Variants in MYO18A observed in about 807,000 individuals in gnomAD.
MYO18A encodes unconventional myosin-XVIIIa.
In MYO18A, 78 loss-of-function variants were observed where a neutral mutation model predicts 235.8. The observed-to-expected ratio is 0.33, with a 90% CI of 0.28 to 0.40. The LOEUF (loss-of-function observed/expected upper bound fraction) is 0.40, where lower values mean the gene tolerates loss of function less well. MYO18A is among the 10% of genes least tolerant of loss of function. The probability of loss-of-function intolerance (pLI) is 1.00; values close to 1 mark genes in which losing one functional copy is unlikely to be tolerated. For synonymous variants in MYO18A, 977 were observed against 1,077.8 expected (o/e 0.91, Z 1.83); for missense variants, 2,215 against 2,699.3 (o/e 0.82, Z 3.98).
intron 1 of MYO18A, among the ~76,000 whole-genome samples, chr17:29,167,522 G>T (rs1290521732): frequency 6.6e-6 from 1 of 151,950 alleles, no homozygotes; most frequent in African/African-American, 2.4e-5. Context: ...GACCAGCCTG[G>T]ACAACACAGT....
intron 2 of MYO18A, among the ~76,000 whole-genome samples, chr17:29,146,239 C>CAG (rs201582600): frequency 6.6e-6 from 1 of 151,844 alleles, no homozygotes; most frequent in East Asian, 1.9e-4. Context: ...GCCCGGGCGA[C>CAG]AGAGAGAGAC....
Position 29,074,058 on chromosome 17 carries a change from A to C in MYO18A, c.*712T>G. On this transcript the variant is annotated 3_prime_UTR_variant, in exon 42 of 42. Coordinates refer to ENST00000527372, the MANE Select transcript of MYO18A (RefSeq NM_078471.4). This position sits in a 1 kb window ranked among gnomAD's most constrained non-coding sequence, Gnocchi z 4.4. ...GGTCCACACACACACTTGTCTGCGT[A>C]GGCTTGCTCAACCCAGCCCAGCAGC... The C allele has an allele frequency of 1.2e-6, 2 of 1,614,100 alleles. No homozygotes were observed.
At position 29,098,242 on chromosome 17, in the gene MYO18A, G is replaced by T; in HGVS notation, c.3871-18C>A. On this transcript the variant is annotated intron_variant, in intron 24 of 41. Transcript: ENST00000527372. ...TCTGAGATCTGGGGTTGGGGGTAGG[G>T]AGTCACCACCAGTTGAAGTGCCTGC... The T allele has an allele frequency of 6.2e-7, 1 of 1,613,792 alleles. No individual in the cohort carries two copies. The highest frequency in any genetic ancestry group is 8.5e-7 in the Non-Finnish European group (1 of 1,179,734).
Position 29,094,741 on chromosome 17 carries a change from A to T in MYO18A, c.4619T>A (p.Val1540Asp). 3 of 1,613,910 alleles carry T rather than the reference A, an allele frequency of 1.9e-6. No individual in the cohort carries two copies. The highest frequency in any genetic ancestry group is 2.5e-6 in the Non-Finnish European group (3 of 1,179,866). The change falls in exon 30 of 42, where the codon GTC becomes GAC. Residue 1540 changes from valine (V) to aspartate (D), a missense_variant. Transcript: ENST00000527372. ...CTCCAGGTCCCGGAGCTGTTTCTTG[A>T]CCTTGGCCAGAGAAGCCTCATCCTT... ...ESKDEASLAK[V>D]KKQLRDLEAK... is the part of the protein sequence containing the mutation.
At chr17:29,151,505 C>T (rs1268543275) in intron 2 of MYO18A, among the ~76,000 whole-genome samples, 1 of 152,108 alleles carries the variant, frequency 6.6e-6, no homozygotes, top group Non-Finnish European at 1.5e-5. Context: ...TCCACACATG[C>T]CTTGCCTTGT....
chr17:29,167,096 A>T (rs2068302832), intron 1 of MYO18A, 75 bp from the exon 2 acceptor site: 1 of 1,014,672 alleles, frequency 9.9e-7, no homozygotes, highest in Admixed American at 2.9e-5. Context: ...ACATAACCAA[A>T]TGATACAGCT....
At chr17:29,123,286 C>T (rs868109631) in intron 2 of MYO18A, among the ~76,000 whole-genome samples, 6 of 152,084 alleles carry the variant, frequency 3.9e-5, no homozygotes, top group African/African-American at 1.4e-4. Context: ...CAAGGTCATC[C>T]CGTGCCCCGG....
At chr17:29,104,290 G>A (rs1233380042) in intron 20 of MYO18A, among the ~76,000 whole-genome samples, 1 of 152,198 alleles carries the variant, frequency 6.6e-6, no homozygotes, top group Non-Finnish European at 1.5e-5. Flanking sequence ...GGAGGCTAGA[G>A]CCTGGCCCAA....
chr17:29,097,196 C>CA, intron 27 of MYO18A, 27 bp downstream of exon 27: 1 of 1,601,952 alleles, frequency 6.2e-7, no homozygotes, highest in Non-Finnish European at 8.5e-7. Flanking sequence ...CTCCCAGGCA[C>CA]AGGCCTCAGC....
chr17:29,163,816 A>T (rs1490184613), intron 2 of MYO18A, among the ~76,000 whole-genome samples: 1 of 152,240 alleles, frequency 6.6e-6, no homozygotes, highest in African/African-American at 2.4e-5. Flanking sequence ...ATTCTTTAAG[A>T]AGAAAATTCC....
intron 25 of MYO18A, 69 bp downstream of exon 25, chr17:29,098,036 G>C (rs1435896185): frequency 1.3e-6 from 2 of 1,593,296 alleles, no homozygotes; most frequent in East Asian, 2.2e-5. Flanking sequence ...ACTGTCTTTG[G>C]GGGGAGCCAA....
intron 2 of MYO18A, among the ~76,000 whole-genome samples, chr17:29,138,179 G>T (rs973982913): frequency 1.3e-5 from 2 of 152,148 alleles, no homozygotes; most frequent in Non-Finnish European, 2.9e-5. Context: ...CAGCCCCTCA[G>T]GCCTGGAATG....
chr17:29,074,219 G>A lies in MYO18A; in HGVS notation c.*551C>T, dbSNP rs758955232. On this transcript the variant is annotated 3_prime_UTR_variant, in exon 42 of 42. Transcript: ENST00000527372. The surrounding 1 kb of genome is among the most constrained non-coding windows in gnomAD (Gnocchi z 4.4). ...TGACATTCCCGAGTCGTTCTTGGGA[G>A]CCCCAGCTACCACTACAGCCCCCTC... The A allele has an allele frequency of 1.9e-6, 3 of 1,570,978 alleles. No individual in the cohort carries two copies. The African/African-American group carries it at 4.0e-5, about 21-fold the overall frequency.
chr17:29,141,438 A>G (rs76440036), intron 2 of MYO18A, among the ~76,000 whole-genome samples: 1 of 17,804 alleles, frequency 5.6e-5, no homozygotes, highest in Non-Finnish European at 1.2e-4. Flanking sequence ...CCTCTTTAGG[A>G]AAAAAAAAAA....
intron 1 of MYO18A, 49 bp from the exon 2 acceptor site, chr17:29,167,070 T>A (rs933214031): frequency 1.5e-6 from 2 of 1,334,326 alleles, no homozygotes; most frequent in Non-Finnish European, 2.0e-6. Context: ...CAGAGCCTCA[T>A]GTGTCTCCAG....
At chr17:29,176,599 C>T (rs1226976817) in intron 1 of MYO18A, 2 of 152,194 alleles carry the variant, frequency 1.3e-5, no homozygotes, top group South Asian at 2.1e-4. Context: ...TCCTCCAGCC[C>T]CGGGACCCCG....
At chr17:29,144,111 C>A (rs2152932675) in intron 2 of MYO18A, among the ~76,000 whole-genome samples, 1 of 152,318 alleles carries the variant, frequency 6.6e-6, no homozygotes. Flanking sequence ...CCTCTGCTGC[C>A]CAAAGCGTGG....
In MYO18A at chr17:29,073,688, G is replaced by C; in HGVS notation, c.*1082C>G. 1 of 738,714 alleles carries C rather than the reference G, an allele frequency of 1.4e-6. No individual in the cohort carries two copies. Among genetic ancestry groups the C allele is most frequent in the South Asian group, 2.0e-5 (1 of 49,712 alleles). The allele number at this position is 738,714 out of a possible 1,614,324, so 45.8% of individuals were successfully genotyped here. A position where few individuals can be genotyped will look rare whatever the true frequency, so the allele number is the denominator to read the frequency against. ...GGAGTTCTCAGGGATAACCTTTTTAGGGTGGGGGCTGGGACCTCCAGACCA... is the reference window on the plus strand; with the variant it reads ...GGAGTTCTCAGGGATAACCTTTTTACGGTGGGGGCTGGGACCTCCAGACCA... On this transcript the variant is annotated 3_prime_UTR_variant, in exon 42 of 42. Transcript: ENST00000527372.
chr17:29,135,951 G>A (rs1248633519), intron 2 of MYO18A, among the ~76,000 whole-genome samples: 1 of 152,168 alleles, frequency 6.6e-6, no homozygotes, highest in African/African-American at 2.4e-5. Context: ...TCATGGACCG[G>A]GCGTGGTGGC....
Sources: allele counts gnomAD v4.1 joint callset (sites outside exome capture counted in the v4.1 genomes callset), GRCh38; gene constraint gnomAD v4.1.1; non-coding constraint Gnocchi (gnomAD v3.1); transcripts MANE v1.5; gene names NCBI Gene and HGNC (gene_info 2026-07-23, HGNC 2026-07-21).